Variants in TRIM5 observed in about 807,000 individuals in gnomAD.
TRIM5 encodes the protein tripartite motif containing 5, also known as tripartite motif-containing protein 5.
In TRIM5, 31 loss-of-function variants were observed where a neutral mutation model predicts 35.6. That is an observed-to-expected ratio of 0.87 (90% CI 0.65 to 1.18). The LOEUF (loss-of-function observed/expected upper bound fraction) is 1.18. Among genes scored for constraint, TRIM5 ranks in the 50% most tolerant of loss-of-function variants. TRIM5 has a pLI of 0.00. For missense variants in TRIM5, 609 were observed against 591.6 expected (o/e 1.03, Z -0.31); for synonymous variants, 243 against 215.6 (o/e 1.13, Z -1.11).
At chr11:5,613,013 T>A in the TRIM5 span, 1 of 152,218 alleles carries the variant, frequency 6.6e-6, no homozygotes, top group South Asian at 2.1e-4. Context: ...ATATGTGGCT[T>A]ACATTGTATT....
chr11:5,604,563 GA>G, the TRIM5 span: 1 of 1,613,220 alleles, frequency 6.2e-7, no homozygotes, highest in South Asian at 1.1e-5. Flanking sequence ...TAAAGAAGCT[GA>G]AGAACGAGGA....
the TRIM5 span, among the ~76,000 whole-genome samples, chr11:5,652,455 G>A: frequency 6.6e-6 from 1 of 152,142 alleles, no homozygotes. Flanking sequence ...TGTCAACTTG[G>A]TTTAAGATCA....
the TRIM5 span, among the ~76,000 whole-genome samples, chr11:5,616,875 G>A: frequency 7.7e-5 from 11 of 143,030 alleles, 1 homozygote; most frequent in Non-Finnish European, 1.5e-4. Context: ...AAGTACCTGG[G>A]ATGAAAGGTG....
chr11:5,639,679 CAAA>C, the TRIM5 span, among the ~76,000 whole-genome samples: 8 of 51,142 alleles, frequency 1.6e-4, no homozygotes, highest in African/African-American at 6.1e-4. Context: ...GACTCTATTT[CAAA>C]AAAAAAAAAA....
the TRIM5 span, among the ~76,000 whole-genome samples, chr11:5,657,857 C>T: frequency 4.0e-5 from 6 of 151,008 alleles, no homozygotes; most frequent in East Asian, 1.2e-3. Context: ...CTCAAGTGAT[C>T]TGAGAGCCTC....
the TRIM5 span, among the ~76,000 whole-genome samples, chr11:5,648,272 CA>C: frequency 4.0e-5 from 6 of 151,810 alleles, no homozygotes; most frequent in Admixed American, 3.3e-4. Context: ...TTTGGGAGGC[CA>C]AGGCAGGTGG....
the TRIM5 span, among the ~76,000 whole-genome samples, chr11:5,628,190 C>A: frequency 6.6e-5 from 10 of 152,354 alleles, no homozygotes; most frequent in East Asian, 1.7e-3. Context: ...CATGCATCCT[C>A]ACTGTGAACA....
the TRIM5 span, among the ~76,000 whole-genome samples, chr11:5,617,455 C>T: frequency 2.1e-5 from 3 of 140,386 alleles, no homozygotes; most frequent in Admixed American, 7.2e-5. Flanking sequence ...GTGTCAATCA[C>T]GTTTCTATAC....
intron 4 of TRIM5, among the ~76,000 whole-genome samples, chr11:5,672,028 C>G (rs1374929826): frequency 6.6e-6 from 1 of 152,038 alleles, no homozygotes; most frequent in Admixed American, 6.5e-5. Flanking sequence ...TAATAGCTGA[C>G]TTCTCATCTG....
At chr11:5,603,755 T>G in the TRIM5 span, 1 of 1,609,898 alleles carries the variant, frequency 6.2e-7, no homozygotes, top group Non-Finnish European at 8.5e-7. Context: ...CAGGATGGAA[T>G]GGGAGACAGA....
At chr11:5,672,711 A>G (rs1183760924) in intron 4 of TRIM5, among the ~76,000 whole-genome samples, 25 of 152,224 alleles carry the variant, frequency 1.6e-4, no homozygotes, top group Non-Finnish European at 1.5e-5. Flanking sequence ...AGTTTATTAC[A>G]AAGTAATTCA....
chr11:5,596,721 T>TC, the TRIM5 span: 18 of 933,808 alleles, frequency 1.9e-5, no homozygotes, highest in African/African-American at 3.4e-5. Context: ...GGAGGAGGGA[T>TC]CCCCTGCCTT....
chr11:5,635,295 T>G, the TRIM5 span, among the ~76,000 whole-genome samples: 1 of 147,532 alleles, frequency 6.8e-6, no homozygotes, highest in Non-Finnish European at 1.5e-5. Flanking sequence ...TCGCTCTGTC[T>G]CCCAGGCTGG....
At chr11:5,660,492 T>C (rs1850775897), downstream of TRIM5, among the ~76,000 whole-genome samples, 1 of 152,168 alleles carries the variant, frequency 6.6e-6, no homozygotes, top group South Asian at 2.1e-4. Context: ...TTGTCCAAGG[T>C]TTCTAATGTT....
At chr11:5,641,546 G>C in the TRIM5 span, among the ~76,000 whole-genome samples, 4 of 152,068 alleles carry the variant, frequency 2.6e-5, no homozygotes, top group African/African-American at 4.8e-5. Context: ...CACATGGAGG[G>C]CCTTGTCAAA....
the TRIM5 span, chr11:5,645,867 GAAAA>G: frequency 2.2e-5 from 3 of 135,606 alleles, no homozygotes; most frequent in East Asian, 2.4e-4. Flanking sequence ...TAGTCTTCTG[GAAAA>G]AAAAAAAAAA....
chr11:5,666,502 T>C (rs1241815125), intron 5 of TRIM5, among the ~76,000 whole-genome samples: 1 of 152,138 alleles, frequency 6.6e-6, no homozygotes, highest in Non-Finnish European at 1.5e-5. Flanking sequence ...GGGAGATGGT[T>C]AGAAAGTGAG....
intron 4 of TRIM5, among the ~76,000 whole-genome samples, chr11:5,672,806 T>G (rs1459452895): frequency 6.6e-6 from 1 of 152,186 alleles, no homozygotes; most frequent in Non-Finnish European, 1.5e-5. Context: ...GAAGCAATAT[T>G]GAAGGGAAGT....
At chr11:5,616,447 A>G in the TRIM5 span, among the ~76,000 whole-genome samples, 1 of 145,262 alleles carries the variant, frequency 6.9e-6, no homozygotes, top group Non-Finnish European at 1.5e-5. Context: ...AAATTTAAAT[A>G]TTTTGCTACT....
Sources: gnomAD v4.1 joint callset for allele counts (sites outside exome capture counted in the v4.1 genomes callset) on GRCh38, gnomAD v4.1.1 for gene constraint, MANE v1.5 for transcripts, NCBI Gene and HGNC (gene_info 2026-07-23, HGNC 2026-07-21) for gene names.